SPAG6: variants seen among roughly 807,000 people sequenced by gnomAD.
The protein encoded by SPAG6 is sperm-associated antigen 6.
Under a neutral mutation model 58.5 loss-of-function variants are expected in SPAG6, and 49 were observed. The ratio of observed to expected loss-of-function variants is 0.84; its 90% CI spans 0.67 to 1.06. SPAG6 has a LOEUF of 1.06. Ranked by LOEUF, SPAG6 falls within the 50% of genes least tolerant of loss-of-function variation. The pLI is 0.00. For missense variants in SPAG6, 560 were observed against 611.3 expected, an observed-to-expected ratio of 0.92 and a Z score of 0.89; for synonymous variants, 233 against 225.6, an observed-to-expected ratio of 1.03 and a Z score of -0.29.
intron 4 of SPAG6, among the ~76,000 whole-genome samples, chr10:22,371,683 T>TA (rs1234589145): frequency 1.3e-5 from 2 of 152,160 alleles, no homozygotes; most frequent in Non-Finnish European, 1.5e-5. Flanking sequence ...ATATAAATCT[T>TA]AAATTGAGAT....
chr10:22,353,656 A>G (rs982363652), intron 2 of SPAG6, among the ~76,000 whole-genome samples: 8 of 152,244 alleles, frequency 5.3e-5, no homozygotes, highest in Admixed American at 4.6e-4. Flanking sequence ...TGAGTGTCCA[A>G]GTATCAGATG....
At chr10:22,360,956 G>T (rs2132042913) in intron 2 of SPAG6, 2 of 728,212 alleles carry the variant, frequency 2.7e-6, no homozygotes, top group South Asian at 3.2e-5. Flanking sequence ...TTTATCTGTA[G>T]TTTTAAGAGA....
chr10:22,412,734 G>A (rs1215931933), intron 10 of SPAG6: 1 of 333,296 alleles, frequency 3.0e-6, no homozygotes, highest in Non-Finnish European at 5.5e-6. Flanking sequence ...ACCACTCCCA[G>A]CTAATGTTTT....
chr10:22,380,472 G>GT lies in SPAG6; in HGVS notation c.473-6274dup, dbSNP rs558678664. Among the ~76,000 whole-genome samples, 1,017 of 151,534 alleles carry GT rather than the reference G, an allele frequency of 6.7e-3. 11 individuals are homozygous for GT. The highest frequency in any genetic ancestry group is 0.023 in the African/African-American group (953 of 41,278). On this transcript the variant is annotated intron_variant, in intron 4 of 10. Coordinates refer to ENST00000376624, the MANE Select transcript of SPAG6 (RefSeq NM_012443.4). ...GCCACCATGCCTGGCTAATTTTTGT[G>GT]TTTTTTTTGTTTTTTGTAGAGACGG...
At chr10:22,409,674 A>G (rs1461061076) in intron 9 of SPAG6, among the ~76,000 whole-genome samples, 1 of 152,188 alleles carries the variant, frequency 6.6e-6, no homozygotes, top group Non-Finnish European at 1.5e-5. Flanking sequence ...ACAAGATCAG[A>G]AAAAAAGAGC....
At chr10:22,379,899 A>G (rs1041184470) in intron 4 of SPAG6, among the ~76,000 whole-genome samples, 1 of 151,994 alleles carries the variant, frequency 6.6e-6, no homozygotes, top group African/African-American at 2.4e-5. Flanking sequence ...GGCTCAAGCA[A>G]TCCTCCCACT....
intron 8 of SPAG6, among the ~76,000 whole-genome samples, chr10:22,394,188 A>AT (rs1834242553): frequency 6.6e-6 from 1 of 152,106 alleles, no homozygotes; most frequent in Non-Finnish European, 1.5e-5. Flanking sequence ...CATTCTATAG[A>AT]TTTTCTTACT....
At chr10:22,381,084 C>A (rs1244897985) in intron 4 of SPAG6, among the ~76,000 whole-genome samples, 1 of 151,968 alleles carries the variant, frequency 6.6e-6, no homozygotes, top group African/African-American at 2.4e-5. Flanking sequence ...TTATTAATTT[C>A]TTAGAATTCT....
At chr10:22,410,362 T>C (rs1263911653) in intron 9 of SPAG6, among the ~76,000 whole-genome samples, 1 of 152,060 alleles carries the variant, frequency 6.6e-6, no homozygotes, top group Non-Finnish European at 1.5e-5. Flanking sequence ...AAATATTATG[T>C]GGTATTTAGG....
At chr10:22,412,307 T>TA (rs1325077645) in intron 10 of SPAG6, 12 of 563,646 alleles carry the variant, frequency 2.1e-5, no homozygotes, top group East Asian at 2.9e-5. Context: ...AACATATACT[T>TA]ACGCAAGTTG....
intron 4 of SPAG6, among the ~76,000 whole-genome samples, chr10:22,385,192 T>C (rs1392374064): frequency 1.3e-5 from 2 of 152,136 alleles, no homozygotes; most frequent in African/African-American, 4.8e-5. Flanking sequence ...TATATTTTTT[T>C]CCCATTTCCT....
chr10:22,355,086 G>A (rs1430085041), intron 2 of SPAG6, among the ~76,000 whole-genome samples: 1 of 151,940 alleles, frequency 6.6e-6, no homozygotes, highest in African/African-American at 2.4e-5. Context: ...TATGATTAAT[G>A]CTAATGGTAG....
At chr10:22,350,539 A>G (rs753742621) in intron 2 of SPAG6, among the ~76,000 whole-genome samples, 1 of 152,224 alleles carries the variant, frequency 6.6e-6, no homozygotes, top group Non-Finnish European at 1.5e-5. Context: ...TGATATTTTC[A>G]AAAGTTTTTG....
chr10:22,359,481 C>T (rs1019666417), intron 2 of SPAG6: 3 of 155,582 alleles, frequency 1.9e-5, no homozygotes, highest in Non-Finnish European at 4.2e-5. Context: ...GCAGCCTCCA[C>T]CTCCCCGGAT....
intron 4 of SPAG6, among the ~76,000 whole-genome samples, chr10:22,383,422 G>A (rs1047265334): frequency 2.0e-5 from 3 of 152,076 alleles, no homozygotes; most frequent in Non-Finnish European, 2.9e-5. Flanking sequence ...GGTGGATCAT[G>A]AGGTCAGGAG....
chr10:22,384,707 A>G (rs1173684924), intron 4 of SPAG6, among the ~76,000 whole-genome samples: 1 of 152,176 alleles, frequency 6.6e-6, no homozygotes, highest in Non-Finnish European at 1.5e-5. Flanking sequence ...ATCTTTTTCC[A>G]CTGCCATCCC....
At chr10:22,380,802 A>T (rs1372860343) in intron 4 of SPAG6, among the ~76,000 whole-genome samples, 1 of 152,156 alleles carries the variant, frequency 6.6e-6, no homozygotes, top group Non-Finnish European at 1.5e-5. Context: ...GGGCTTAGAG[A>T]TAGTTAAAAG....
chr10:22,399,457 T>G (rs1834363449), intron 8 of SPAG6, among the ~76,000 whole-genome samples: 1 of 152,248 alleles, frequency 6.6e-6, no homozygotes, highest in African/African-American at 2.4e-5. Flanking sequence ...GTAACATTTG[T>G]GAGGTTCATT....
At chr10:22,407,189 G>A (rs1219332140) in intron 9 of SPAG6, among the ~76,000 whole-genome samples, 1 of 150,096 alleles carries the variant, frequency 6.7e-6, no homozygotes, top group Non-Finnish European at 1.5e-5. Context: ...TATGATGTTA[G>A]CTGGTGATTT....
Sources: allele counts gnomAD v4.1 joint callset (sites outside exome capture counted in the v4.1 genomes callset), GRCh38; gene constraint gnomAD v4.1.1; transcripts MANE v1.5; gene names NCBI Gene and HGNC (gene_info 2026-07-23, HGNC 2026-07-21).